The following EPHB2 variants were observed in gnomAD, a reference collection of about 807,000 sequenced individuals.
EPHB2 encodes EPH receptor B2, also known as ephrin type-B receptor 2.
In EPHB2, 18 loss-of-function variants were observed where a neutral mutation model predicts 96.4. That is an observed-to-expected ratio of 0.19 (90% CI 0.13 to 0.28). EPHB2 has a LOEUF of 0.28. Ranked by LOEUF, EPHB2 falls within the 10% of genes least tolerant of loss-of-function variation. EPHB2 has a pLI of 1.00. For missense variants in EPHB2, 989 were observed against 1,355.4 expected, an observed-to-expected ratio of 0.73 and a Z score of 4.25; for synonymous variants, 506 against 534.1, an observed-to-expected ratio of 0.95 and a Z score of 0.72.
intron 1 of EPHB2, among the ~76,000 whole-genome samples, chr1:22,762,598 C>T (rs578117751): frequency 1.4e-4 from 22 of 152,234 alleles, no homozygotes; most frequent in African/African-American, 4.8e-4. Flanking sequence ...GGCTTCATGA[C>T]CTGGGGAAGC....
At chr1:22,776,501 G>A (rs559883189) in intron 1 of EPHB2, among the ~76,000 whole-genome samples, 79 of 152,350 alleles carry the variant, frequency 5.2e-4, no homozygotes, top group Non-Finnish European at 8.8e-4. Context: ...CAGTGGGGAT[G>A]GAGATAGAAA....
chr1:22,889,685 T>TG (rs1292887933), intron 6 of EPHB2, among the ~76,000 whole-genome samples: 7 of 152,104 alleles, frequency 4.6e-5, no homozygotes, highest in African/African-American at 1.4e-4. Flanking sequence ...AGGTGGCACT[T>TG]GCGCTGAGTC....
Position 22,846,603 on chromosome 1 carries a change from G to A in EPHB2, c.812-16434G>A, listed in dbSNP as rs936528439. Among the ~76,000 whole-genome samples, 2 of 152,058 alleles carry A rather than the reference G, an allele frequency of 1.3e-5. No homozygotes were observed. Among genetic ancestry groups the A allele is most frequent in the Non-Finnish European group, 2.9e-5 (2 of 68,024 alleles). Reference sequence around the variant, plus strand: ...GGCGGCTTGTTGCCTCTCCAGCCTCGTGTCCTGCATCTCTGCAACCATAGA... The same window carrying A: ...GGCGGCTTGTTGCCTCTCCAGCCTCATGTCCTGCATCTCTGCAACCATAGA... On this transcript the variant is annotated intron_variant, in intron 3 of 15. Transcript: ENST00000374630. The surrounding 1 kb of genome is among the most constrained non-coding windows in gnomAD (Gnocchi z 4.3).
chr1:22,873,487 C>T (rs937855206), intron 5 of EPHB2, among the ~76,000 whole-genome samples: 1 of 152,230 alleles, frequency 6.6e-6, no homozygotes, highest in African/African-American at 2.4e-5. Context: ...TTGGCCACCA[C>T]AAGACACGTG....
At position 22,813,067 on chromosome 1, in the gene EPHB2, G is replaced by A. The variant is rs114304268; in HGVS notation, c.811+27991G>A. Reference sequence around the variant, plus strand: ...ATAATTTGGCATATTATATACTTGCGTTATACTTCAGTATCATACTCTGTT... The same window carrying A: ...ATAATTTGGCATATTATATACTTGCATTATACTTCAGTATCATACTCTGTT... On this transcript the variant is annotated intron_variant, in intron 3 of 15. Transcript: ENST00000374630. Among the ~76,000 whole-genome samples the A allele has an allele frequency of 1.8e-3, 270 of 152,228 alleles. 1 individual carries two copies. The highest frequency in any genetic ancestry group is 6.1e-3 in the African/African-American group (254 of 41,530).
intron 3 of EPHB2, among the ~76,000 whole-genome samples, chr1:22,842,059 A>C (rs1557706999): frequency 6.6e-6 from 1 of 152,070 alleles, no homozygotes; most frequent in African/African-American, 2.4e-5. Context: ...GGGTTGGGTG[A>C]GGGGCAACAG....
At chr1:22,829,856 G>A (rs1003524696) in intron 3 of EPHB2, among the ~76,000 whole-genome samples, 2 of 152,182 alleles carry the variant, frequency 1.3e-5, no homozygotes, top group African/African-American at 4.8e-5. Context: ...AAAAGGCCCA[G>A]GAGACAGCCG....
intron 2 of EPHB2, among the ~76,000 whole-genome samples, chr1:22,782,650 G>A (rs1343846682): frequency 6.6e-6 from 1 of 152,202 alleles, no homozygotes; most frequent in African/African-American, 2.4e-5. Flanking sequence ...AGGCTGCAGG[G>A]CCTCCGCATG....
Position 22,742,671 on chromosome 1 carries a change from T to C in EPHB2, c.61+31628T>C, listed in dbSNP as rs374789715. 1.8e-4 allele frequency among the ~76,000 whole-genome samples: 27 copies of C among 151,740 alleles called. 1 individual carries two copies. Among genetic ancestry groups the C allele is most frequent in the African/African-American group, 6.3e-4 (26 of 41,378 alleles). On this transcript the variant is annotated intron_variant, in intron 1 of 15. Transcript: ENST00000374630. The stretch of plus-strand genomic sequence containing the variant: ...AAAGGTATATGCCACCATGCCCAGC[T>C]AGTTTTTTATTTTTTGTAGAGGGGA...
At chr1:22,905,234 AAAT>A (rs927980176) in intron 9 of EPHB2, among the ~76,000 whole-genome samples, 1 of 152,324 alleles carries the variant, frequency 6.6e-6, no homozygotes, top group East Asian at 1.9e-4. Context: ...GGAGAACAAA[AAAT>A]AATAATAATA....
At chr1:22,847,208 T>C (rs931461914) in intron 3 of EPHB2, among the ~76,000 whole-genome samples, 4 of 152,156 alleles carry the variant, frequency 2.6e-5, no homozygotes, top group African/African-American at 9.7e-5. Context: ...TGCAGGTAAG[T>C]CCTATTCATT....
chr1:22,727,886 T>A (rs568273410), intron 1 of EPHB2, among the ~76,000 whole-genome samples: 1 of 150,572 alleles, frequency 6.6e-6, no homozygotes, highest in South Asian at 2.1e-4. Flanking sequence ...CAAGCAATCC[T>A]CCTGCCCCAG....
rs188169968 is a variant in EPHB2, at chr1:22,818,007, C to T, written c.811+32931C>T. 5.6e-3 allele frequency among the ~76,000 whole-genome samples: 847 copies of T among 152,226 alleles called. 1 individual carries two copies. Among genetic ancestry groups the T allele is most frequent in the Non-Finnish European group, 8.5e-3 (581 of 68,014 alleles). On this transcript the variant is annotated intron_variant, in intron 3 of 15. Coordinates refer to ENST00000374630, the MANE Select transcript of EPHB2 (RefSeq NM_017449.5). Reference sequence around the variant, plus strand: ...TTTATCTTTTCCCTGAAGGGCAGCCCGAGTGATAGGAAATGTCTGGGCTTT... The same window carrying T: ...TTTATCTTTTCCCTGAAGGGCAGCCTGAGTGATAGGAAATGTCTGGGCTTT...
intron 3 of EPHB2, among the ~76,000 whole-genome samples, chr1:22,826,611 T>G (rs969698013): frequency 1.3e-5 from 2 of 152,248 alleles, no homozygotes; most frequent in Non-Finnish European, 2.9e-5. Context: ...CTAAAGAGTC[T>G]GTTCTTGTCC....
intron 3 of EPHB2, among the ~76,000 whole-genome samples, chr1:22,838,983 T>G (rs866582828): frequency 6.6e-6 from 1 of 151,884 alleles, no homozygotes; most frequent in South Asian, 2.1e-4. Context: ...AAAATCATAC[T>G]AGAGAAGGGT....
At chr1:22,861,227 T>G (rs1477238433) in intron 3 of EPHB2, among the ~76,000 whole-genome samples, 1 of 152,188 alleles carries the variant, frequency 6.6e-6, no homozygotes, top group Non-Finnish European at 1.5e-5. Context: ...GCCACACTGC[T>G]CACACAGGTG....
chr1:22,866,796 T>C (rs887081623), intron 5 of EPHB2, among the ~76,000 whole-genome samples: 2 of 152,072 alleles, frequency 1.3e-5, no homozygotes, highest in African/African-American at 4.8e-5. Flanking sequence ...TAGCCAGGTA[T>C]GGTCGCGGGC....
chr1:22,794,298 C>T lies in EPHB2; in HGVS notation c.811+9222C>T, dbSNP rs368728970. The stretch of plus-strand genomic sequence containing the variant: ...AGACCCGGGTCTGGGCCTTGAATGA[C>T]GAGGTGCTTTCCTATCAAGCGATGC... On this transcript the variant is annotated intron_variant, in intron 3 of 15. Coordinates refer to ENST00000374630, the MANE Select transcript of EPHB2 (RefSeq NM_017449.5). Among the ~76,000 whole-genome samples the T allele has an allele frequency of 8.1e-4, 123 of 152,180 alleles. 1 individual carries two copies. In the South Asian group the frequency reaches 0.023, roughly 28 times the overall value.
intron 1 of EPHB2, among the ~76,000 whole-genome samples, chr1:22,741,346 C>T (rs965788239): frequency 6.6e-5 from 10 of 152,002 alleles, no homozygotes; most frequent in East Asian, 1.9e-4. Flanking sequence ...CTTAAAACCG[C>T]GTTCCTGGAG....
Sources: gnomAD v4.1 joint callset for allele counts (sites outside exome capture counted in the v4.1 genomes callset) on GRCh38, gnomAD v4.1.1 for gene constraint, Gnocchi (gnomAD v3.1) non-coding constraint, MANE v1.5 for transcripts, NCBI Gene and HGNC (gene_info 2026-07-23, HGNC 2026-07-21) for gene names.